Variants in HCRTR2 observed in about 807,000 individuals in gnomAD.
HCRTR2 encodes orexin receptor type 2.
In HCRTR2, 22 loss-of-function variants were observed where a neutral mutation model predicts 49.0. That is an observed-to-expected ratio of 0.45 (90% CI 0.32 to 0.64). The LOEUF (loss-of-function observed/expected upper bound fraction) is 0.64, where lower values mean the gene tolerates loss of function less well. HCRTR2 is among the 30% of genes least tolerant of loss of function. The pLI, the probability that HCRTR2 is intolerant of heterozygous loss-of-function variation, is 0.04. For synonymous variants in HCRTR2, 236 were observed against 205.3 expected (o/e 1.15, Z -1.28); for missense variants, 491 against 559.4 (o/e 0.88, Z 1.23).
upstream of HCRTR2, chr6:55,174,367 T>C (rs2127268678): frequency 3.5e-6 from 2 of 574,830 alleles, no homozygotes; most frequent in African/African-American, 1.9e-5. Flanking sequence ...CAGCTGCCTA[T>C]CTTCCCGGTG....
intron 1 of HCRTR2, among the ~76,000 whole-genome samples, chr6:55,163,398 A>T (rs1052043523): frequency 6.6e-6 from 1 of 152,176 alleles, no homozygotes; most frequent in African/African-American, 2.4e-5. Context: ...ACAGTAACCA[A>T]AACAGCATGG....
At chr6:55,272,694 T>G (rs1766996150) in intron 4 of HCRTR2, among the ~76,000 whole-genome samples, 1 of 151,878 alleles carries the variant, frequency 6.6e-6, no homozygotes, top group South Asian at 2.1e-4. Context: ...GAGACTATAA[T>G]AGGAATTATC....
chr6:55,176,652 C>T (rs781328462), intron 1 of HCRTR2, among the ~76,000 whole-genome samples: 34 of 152,060 alleles, frequency 2.2e-4, no homozygotes, highest in African/African-American at 5.8e-4. Context: ...AATAAAATGA[C>T]GTATTAAGGG....
intron 1 of HCRTR2, among the ~76,000 whole-genome samples, chr6:55,134,821 T>G (rs555448637): frequency 6.6e-6 from 1 of 152,164 alleles, no homozygotes; most frequent in Non-Finnish European, 1.5e-5. Flanking sequence ...CCTTCTTTTT[T>G]GTGACTGAAT....
intron 4 of HCRTR2, among the ~76,000 whole-genome samples, chr6:55,272,149 A>T (rs1766985278): frequency 6.6e-6 from 1 of 152,166 alleles, no homozygotes; most frequent in African/African-American, 2.4e-5. Context: ...TCATTGTTCT[A>T]TATGCAAGCA....
chr6:55,242,539 T>C lies in HCRTR2; in HGVS notation c.224-6100T>C, dbSNP rs181173766. On this transcript the variant is annotated intron_variant, in intron 1 of 6. Coordinates refer to ENST00000370862, the MANE Select transcript of HCRTR2 (RefSeq NM_001384272.1). ...GCAAATTCTTAAAATAAAATTGATA[T>C]ATTTAGTACAGATCCTTTTGAGACA... Among the ~76,000 whole-genome samples the C allele has an allele frequency of 1.2e-4, 18 of 152,344 alleles. No homozygotes were observed. The East Asian group carries it at 2.5e-3, about 21-fold the overall frequency.
chr6:55,223,313 T>A (rs569072806), intron 1 of HCRTR2, among the ~76,000 whole-genome samples: 21 of 152,316 alleles, frequency 1.4e-4, no homozygotes. Context: ...GTTACTTTAG[T>A]GAATAGGCCC....
At chr6:55,146,055 C>G (rs1286323205) in intron 1 of HCRTR2, among the ~76,000 whole-genome samples, 1 of 151,800 alleles carries the variant, frequency 6.6e-6, no homozygotes, top group African/African-American at 2.4e-5. Context: ...ATTTTCCAAC[C>G]TAAATTCCAA....
At chr6:55,233,092 C>T (rs942353649) in intron 1 of HCRTR2, among the ~76,000 whole-genome samples, 3 of 140,616 alleles carry the variant, frequency 2.1e-5, no homozygotes, top group African/African-American at 7.9e-5. Context: ...ATGAATAAAG[C>T]TGCTTTTTTT....
downstream of HCRTR2, among the ~76,000 whole-genome samples, chr6:55,282,886 T>C (rs1442988517): frequency 6.6e-6 from 1 of 152,092 alleles, no homozygotes; most frequent in Admixed American, 6.6e-5. Flanking sequence ...TTAGTTGACT[T>C]AATAGTTTTT....
chr6:55,110,531 A>G (rs999711093), intron 1 of HCRTR2, among the ~76,000 whole-genome samples: 1 of 152,126 alleles, frequency 6.6e-6, no homozygotes, highest in African/African-American at 2.4e-5. Flanking sequence ...GGAGTAGAAA[A>G]AGATATTCCA....
intron 1 of HCRTR2, among the ~76,000 whole-genome samples, chr6:55,199,098 G>C (rs1284833644): frequency 6.6e-6 from 1 of 152,118 alleles, no homozygotes; most frequent in Non-Finnish European, 1.5e-5. Flanking sequence ...GTTGGTTAAG[G>C]GGGTTCTCTG....
intron 1 of HCRTR2, among the ~76,000 whole-genome samples, chr6:55,240,084 A>C (rs1327176276): frequency 6.6e-6 from 1 of 151,852 alleles, no homozygotes; most frequent in African/African-American, 2.4e-5. Flanking sequence ...GCCAGTAAAT[A>C]GTTTTGAAGT....
intron 1 of HCRTR2, among the ~76,000 whole-genome samples, chr6:55,115,844 TAA>T (rs1764108620): frequency 2.9e-4 from 1 of 3,436 alleles, no homozygotes; most frequent in Non-Finnish European, 6.9e-4. Context: ...AGTTAAAATT[TAA>T]ATATATATAT....
intron 1 of HCRTR2, among the ~76,000 whole-genome samples, chr6:55,130,816 T>C (rs1005504044): frequency 6.6e-6 from 1 of 151,970 alleles, no homozygotes; most frequent in Middle Eastern, 3.4e-3. Context: ...TACACAGAAA[T>C]GACTTGTAAA....
At chr6:55,122,152 G>T (rs1198210590) in intron 1 of HCRTR2, among the ~76,000 whole-genome samples, 2 of 152,208 alleles carry the variant, frequency 1.3e-5, no homozygotes, top group South Asian at 2.1e-4. Context: ...CCTGTTATTG[G>T]TCTATTCAGA....
chr6:55,114,564 C>G (rs1449992610), intron 1 of HCRTR2, among the ~76,000 whole-genome samples: 1 of 146,692 alleles, frequency 6.8e-6, no homozygotes, highest in Non-Finnish European at 1.6e-5. Flanking sequence ...GAATTTCTAC[C>G]CTCTGTATTT....
intron 1 of HCRTR2, among the ~76,000 whole-genome samples, chr6:55,169,434 C>T (rs1406753122): frequency 7.9e-5 from 12 of 151,424 alleles, no homozygotes; most frequent in Admixed American, 5.9e-4. Context: ...TTGTTCATGG[C>T]CTAATCTTTT....
chr6:55,218,753 A>G (rs1765836106), intron 1 of HCRTR2, among the ~76,000 whole-genome samples: 2 of 152,254 alleles, frequency 1.3e-5, no homozygotes, highest in Admixed American at 1.3e-4. Flanking sequence ...GGGCTTTAAA[A>G]TATATAAACA....
Sources: allele counts gnomAD v4.1 joint callset (sites outside exome capture counted in the v4.1 genomes callset), GRCh38; gene constraint gnomAD v4.1.1; transcripts MANE v1.5; gene names NCBI Gene and HGNC (gene_info 2026-07-23, HGNC 2026-07-21).